Variants in XRCC4 observed in about 807,000 individuals in gnomAD.
The protein encoded by XRCC4 is X-ray repair cross complementing 4, also known as DNA repair protein XRCC4.
XRCC4 carries 28 observed loss-of-function variants against 39.1 expected under a neutral mutation model. The ratio of observed to expected loss-of-function variants is 0.72; its 90% CI spans 0.53 to 0.98. The LOEUF (loss-of-function observed/expected upper bound fraction) is 0.98, where lower values mean the gene tolerates loss of function less well. Among genes scored for constraint, XRCC4 ranks in the 50% least tolerant of loss-of-function variants. XRCC4 has a pLI of 0.00. For synonymous variants in XRCC4, 123 were observed against 126.4 expected (o/e 0.97, Z 0.18); for missense variants, 350 against 376.4 (o/e 0.93, Z 0.58).
intron 7 of XRCC4, among the ~76,000 whole-genome samples, chr5:83,305,787 C>T (rs1208211231): frequency 1.3e-5 from 2 of 152,120 alleles, no homozygotes; most frequent in African/African-American, 4.8e-5. Context: ...CTGACTGTAG[C>T]TAGAGCTTAA....
At chr5:83,113,457 C>T (rs1746546137) in intron 3 of XRCC4, among the ~76,000 whole-genome samples, 1 of 152,140 alleles carries the variant, frequency 6.6e-6, no homozygotes, top group Non-Finnish European at 1.5e-5. Flanking sequence ...CTGGGGTCTG[C>T]AGGAAAGTGG....
rs1753629806 is a variant in XRCC4, at chr5:83,258,424, C to T, written c.746-106C>T. ...ATAAAGATTTGAAAGAATAGTTTTG[C>T]TATATTTTAATTGTCACCTTATGTC... is the stretch of plus-strand genomic sequence containing the variant. On this transcript the variant is annotated intron_variant, in intron 6 of 7. Transcript: ENST00000396027. 23 of 1,331,628 alleles carry T rather than the reference C, an allele frequency of 1.7e-5. No homozygotes were observed. The South Asian group carries it at 3.0e-4, about 18-fold the overall frequency. The allele number at this position is 1,331,628 out of a possible 1,614,324, so 82.5% of individuals were successfully genotyped here. A position where few individuals can be genotyped will look rare whatever the true frequency, so the allele number is the denominator to read the frequency against.
chr5:83,192,319 A>ATATATATATATT (rs3069585), intron 3 of XRCC4, among the ~76,000 whole-genome samples: 2 of 143,500 alleles, frequency 1.4e-5, no homozygotes, highest in South Asian at 2.2e-4. Context: ...ATATATATAT[A>ATATATATATATT]TTTTTTTGAG....
chr5:83,101,684 A>G (rs917586481), intron 1 of XRCC4, among the ~76,000 whole-genome samples: 3 of 152,112 alleles, frequency 2.0e-5, no homozygotes, highest in Non-Finnish European at 4.4e-5. Flanking sequence ...ATGGCAGACT[A>G]TACAGGTCTA....
intron 7 of XRCC4, among the ~76,000 whole-genome samples, chr5:83,282,658 C>T (rs1048859017): frequency 2.6e-5 from 4 of 151,736 alleles, no homozygotes; most frequent in East Asian, 1.9e-4. Flanking sequence ...CTGGCTAACA[C>T]GGTGAAACCC....
chr5:83,214,728 C>T (rs2731848), intron 6 of XRCC4, among the ~76,000 whole-genome samples: 82,260 of 150,854 alleles, frequency 0.55, 22,486 homozygotes, highest in Middle Eastern at 0.67. Flanking sequence ...CCCAGCTACT[C>T]GGGAGGCTGA....
At position 83,353,412 on chromosome 5, in the gene XRCC4, G is replaced by T. The variant is rs1050017673; in HGVS notation, c.*170G>T. On this transcript the variant is annotated 3_prime_UTR_variant, in exon 8 of 8. Coordinates refer to ENST00000396027, the MANE Select transcript of XRCC4 (RefSeq NM_003401.5). ...AAAATGGATTACACATGTATACAAA[G>T]ATACGATTTGATGATGACACTGGCA... 1.0e-5 allele frequency: 5 copies of T among 494,354 alleles called. No homozygotes were observed. The highest frequency in any genetic ancestry group is 7.6e-5 in the Admixed American group (2 of 26,206). The allele number at this position is 494,354 out of a possible 1,614,324, so 30.6% of individuals were successfully genotyped here.
At chr5:83,155,069 G>C (rs535160539) in intron 3 of XRCC4, among the ~76,000 whole-genome samples, 1 of 152,234 alleles carries the variant, frequency 6.6e-6, no homozygotes, top group Non-Finnish European at 1.5e-5. Context: ...TAGTCCTGGG[G>C]CTGGGGCAGG....
At chr5:83,312,971 G>A (rs544015126) in intron 7 of XRCC4, among the ~76,000 whole-genome samples, 55 of 152,206 alleles carry the variant, frequency 3.6e-4, no homozygotes, top group African/African-American at 1.2e-3. Flanking sequence ...TCATTTTGCG[G>A]ATGCTGAGTT....
intron 7 of XRCC4, among the ~76,000 whole-genome samples, chr5:83,305,526 T>C (rs1561465516): frequency 6.6e-6 from 1 of 152,174 alleles, no homozygotes; most frequent in Non-Finnish European, 1.5e-5. Context: ...TTTTATTATA[T>C]AGAACACTTC....
intron 3 of XRCC4, among the ~76,000 whole-genome samples, chr5:83,123,732 A>G (rs955635873): frequency 2.6e-5 from 4 of 152,054 alleles, no homozygotes; most frequent in Admixed American, 2.0e-4. Context: ...TTTATAGCAT[A>G]CATCTTTACC....
chr5:83,134,440 G>T (rs547937939), intron 3 of XRCC4, among the ~76,000 whole-genome samples: 1 of 152,088 alleles, frequency 6.6e-6, no homozygotes, highest in South Asian at 2.1e-4. Context: ...TAGCTAAAGG[G>T]TTGTAAATGC....
chr5:83,104,819 T>C, intron 1 of XRCC4, 91 bp from the exon 2 acceptor site: 1 of 1,184,414 alleles, frequency 8.4e-7, no homozygotes, highest in South Asian at 1.4e-5. Context: ...TCTTATTTCC[T>C]TGGTGTTTGT....
chr5:83,199,148 G>C (rs1450800416), intron 4 of XRCC4, among the ~76,000 whole-genome samples: 1 of 152,106 alleles, frequency 6.6e-6, no homozygotes, highest in East Asian at 1.9e-4. Context: ...CTGCCTTCAA[G>C]ATACAATCAC....
intron 1 of XRCC4, among the ~76,000 whole-genome samples, chr5:83,093,650 G>A (rs1027318335): frequency 2.6e-5 from 4 of 152,052 alleles, no homozygotes; most frequent in Admixed American, 6.5e-5. Flanking sequence ...AATCAATTAC[G>A]GGAAGAATTT....
chr5:83,134,545 A>G (rs1179506398), intron 3 of XRCC4, among the ~76,000 whole-genome samples: 2 of 152,146 alleles, frequency 1.3e-5, no homozygotes, highest in African/African-American at 4.8e-5. Context: ...AAACGTACCA[A>G]TCAGCTCTCT....
chr5:83,161,472 TC>T (rs1205175646), intron 3 of XRCC4, among the ~76,000 whole-genome samples: 5 of 152,180 alleles, frequency 3.3e-5, no homozygotes, highest in African/African-American at 1.2e-4. Flanking sequence ...ATATAAGTCA[TC>T]TTTATCTTTT....
chr5:83,138,276 A>T (rs1747996448), intron 3 of XRCC4, among the ~76,000 whole-genome samples: 1 of 152,180 alleles, frequency 6.6e-6, no homozygotes, highest in Non-Finnish European at 1.5e-5. Context: ...TACTGCTTGA[A>T]GTGCACTATA....
chr5:83,246,972 A>G (rs1156627208), intron 6 of XRCC4, among the ~76,000 whole-genome samples: 1 of 152,202 alleles, frequency 6.6e-6, no homozygotes, highest in African/African-American at 2.4e-5. Context: ...GTGGAGTGAC[A>G]TACATACATT....
Sources: allele counts gnomAD v4.1 joint callset (sites outside exome capture counted in the v4.1 genomes callset), GRCh38; gene constraint gnomAD v4.1.1; transcripts MANE v1.5; gene names NCBI Gene and HGNC (gene_info 2026-07-23, HGNC 2026-07-21).